Variants in NKAIN2 observed in about 807,000 individuals in gnomAD.
The protein encoded by NKAIN2 is sodium/potassium-transporting ATPase subunit beta-1-interacting protein 2.
A neutral mutation model predicts 32.6 loss-of-function variants in NKAIN2; 14 were observed. That is an observed-to-expected ratio of 0.43 (90% CI 0.28 to 0.67). NKAIN2 has a LOEUF of 0.67. Ranked by LOEUF, NKAIN2 falls within the 30% of genes least tolerant of loss-of-function variation. NKAIN2 has a pLI of 0.17. For missense variants in NKAIN2, 198 were observed against 258.3 expected (o/e 0.77, Z 1.60); for synonymous variants, 80 against 87.2 (o/e 0.92, Z 0.46).
chr6:124,753,525 C>T (rs183739897), intron 4 of NKAIN2, among the ~76,000 whole-genome samples: 1 of 152,114 alleles, frequency 6.6e-6, no homozygotes, highest in East Asian at 1.9e-4. Flanking sequence ...ATTATATAAT[C>T]AGGGTTCATA....
chr6:124,591,663 G>A (rs528444278), intron 3 of NKAIN2, among the ~76,000 whole-genome samples: 4 of 152,200 alleles, frequency 2.6e-5, no homozygotes, highest in African/African-American at 9.6e-5. Flanking sequence ...AAAGATATCA[G>A]TACAAATAAT....
At chr6:124,052,249 C>T (rs1030866269) in intron 1 of NKAIN2, among the ~76,000 whole-genome samples, 13 of 152,034 alleles carry the variant, frequency 8.6e-5, no homozygotes, top group Middle Eastern at 3.4e-3. Flanking sequence ...TTATAAAAGA[C>T]GTAGGAAGGA....
chr6:124,731,684 A>C (rs773719318), intron 4 of NKAIN2, among the ~76,000 whole-genome samples: 1 of 151,816 alleles, frequency 6.6e-6, no homozygotes, highest in Non-Finnish European at 1.5e-5. Flanking sequence ...CAATGTGCAC[A>C]TGTACCCTAA....
intron 1 of NKAIN2, among the ~76,000 whole-genome samples, chr6:123,896,826 TC>T (rs1360143224): frequency 1.3e-5 from 2 of 152,194 alleles, no homozygotes; most frequent in Non-Finnish European, 2.9e-5. Flanking sequence ...CCCACCTTGC[TC>T]TCAAGTTCCC....
intron 3 of NKAIN2, among the ~76,000 whole-genome samples, chr6:124,634,647 G>T (rs950832650): frequency 1.3e-5 from 2 of 151,922 alleles, no homozygotes; most frequent in African/African-American, 2.4e-5. Context: ...ATAAAAGATT[G>T]GAAAAGCCAT....
chr6:124,007,841 CT>C (rs554972928), intron 1 of NKAIN2, among the ~76,000 whole-genome samples: 23 of 152,220 alleles, frequency 1.5e-4, no homozygotes, highest in Admixed American at 7.2e-4. Flanking sequence ...GGATTTATTC[CT>C]TTTCAGGAAT....
At chr6:124,784,928 A>G (rs948964323) in intron 4 of NKAIN2, among the ~76,000 whole-genome samples, 11 of 152,056 alleles carry the variant, frequency 7.2e-5, no homozygotes, top group African/African-American at 1.7e-4. Context: ...CTTTAGATTT[A>G]TACTGTTTGT....
chr6:123,983,203 C>A (rs1169344223), intron 1 of NKAIN2, among the ~76,000 whole-genome samples: 1 of 152,132 alleles, frequency 6.6e-6, no homozygotes, highest in Non-Finnish European at 1.5e-5. Flanking sequence ...TTTGGAAATA[C>A]CTGTGGGACT....
At position 124,282,453 on chromosome 6, in the gene NKAIN2, C is replaced by T. The variant is rs1225754804; in HGVS notation, c.55-552C>T. Reference sequence around the variant, plus strand: ...TCGTCAAAGTCCTTCATTTCACAGACGAGGGCCAGCACCCAGAGAAGGGAA... The same window carrying T: ...TCGTCAAAGTCCTTCATTTCACAGATGAGGGCCAGCACCCAGAGAAGGGAA... On this transcript the variant is annotated intron_variant, in intron 1 of 6. Transcript: ENST00000368417. Among the ~76,000 whole-genome samples, 6 of 144,878 alleles carry T rather than the reference C, an allele frequency of 4.1e-5. No individual in the cohort carries two copies. In the South Asian group the frequency reaches 6.4e-4, roughly 16 times the overall value.
chr6:124,760,246 A>G (rs1226458403), intron 4 of NKAIN2, among the ~76,000 whole-genome samples: 3 of 151,926 alleles, frequency 2.0e-5, no homozygotes, highest in East Asian at 1.9e-4. Flanking sequence ...ACTGGCGTCT[A>G]CTTGAAGCAG....
At chr6:124,156,958 C>T (rs1005788571) in intron 1 of NKAIN2, among the ~76,000 whole-genome samples, 3 of 151,572 alleles carry the variant, frequency 2.0e-5, no homozygotes, top group East Asian at 1.9e-4. Context: ...CAAAAATTAA[C>T]GTGGTGTGGT....
At chr6:124,310,110 A>G (rs1796654397) in intron 2 of NKAIN2, among the ~76,000 whole-genome samples, 1 of 152,200 alleles carries the variant, frequency 6.6e-6, no homozygotes, top group Non-Finnish European at 1.5e-5. Context: ...AAAAGCACAC[A>G]ACTGATGAAA....
intron 4 of NKAIN2, among the ~76,000 whole-genome samples, chr6:124,711,291 A>G (rs1376999649): frequency 7.7e-5 from 2 of 25,966 alleles, no homozygotes; most frequent in Non-Finnish European, 1.7e-4. Context: ...ACCTTGATGA[A>G]TCTGACAATT....
intron 3 of NKAIN2, among the ~76,000 whole-genome samples, chr6:124,468,045 T>C (rs1478419585): frequency 2.6e-5 from 4 of 152,136 alleles, no homozygotes; most frequent in African/African-American, 9.6e-5. Context: ...AAGGTGCTAC[T>C]TCCATGATAG....
intron 1 of NKAIN2, among the ~76,000 whole-genome samples, chr6:124,027,726 A>T (rs1464975928): frequency 8.9e-6 from 1 of 112,764 alleles, no homozygotes; most frequent in Non-Finnish European, 1.9e-5. Flanking sequence ...CAAATTAAAT[A>T]GTTCTTTATT....
At chr6:124,034,123 T>G (rs1781512325) in intron 1 of NKAIN2, among the ~76,000 whole-genome samples, 1 of 152,084 alleles carries the variant, frequency 6.6e-6, no homozygotes, top group African/African-American at 2.4e-5. Context: ...TGTTTCTTTT[T>G]TATTTTTCTT....
chr6:124,355,647 GA>G (rs1798938237), intron 3 of NKAIN2, among the ~76,000 whole-genome samples: 1 of 151,846 alleles, frequency 6.6e-6, no homozygotes, highest in Non-Finnish European at 1.5e-5. Context: ...TTTTTTCAGA[GA>G]AAAAAATCTT....
intron 2 of NKAIN2, among the ~76,000 whole-genome samples, chr6:124,322,471 A>G (rs79654017): frequency 0.12 from 19,024 of 152,194 alleles, 1,593 homozygotes; most frequent in East Asian, 0.31. Flanking sequence ...CCATTTTATC[A>G]AGATGCAGAA....
At chr6:124,325,292 A>G (rs1797366581) in intron 2 of NKAIN2, among the ~76,000 whole-genome samples, 1 of 152,086 alleles carries the variant, frequency 6.6e-6, no homozygotes, top group African/African-American at 2.4e-5. Context: ...AATTCATATT[A>G]TATTGCTAGT....
Sources: allele counts gnomAD v4.1 joint callset (sites outside exome capture counted in the v4.1 genomes callset), GRCh38; gene constraint gnomAD v4.1.1; transcripts MANE v1.5; gene names NCBI Gene and HGNC (gene_info 2026-07-23, HGNC 2026-07-21).